Variants in SUGCT observed in about 807,000 individuals in gnomAD.
SUGCT encodes the protein succinyl-CoA:glutarate-CoA transferase.
In SUGCT, 41 loss-of-function variants were observed where a neutral mutation model predicts 55.0. That is an observed-to-expected ratio of 0.74 (90% CI 0.58 to 0.97). The LOEUF is 0.97. SUGCT is among the 50% of genes least tolerant of loss of function. The pLI is 0.00. For synonymous variants in SUGCT, 187 were observed against 200.4 expected, an observed-to-expected ratio of 0.93 and a Z score of 0.56; for missense variants, 568 against 547.8, an observed-to-expected ratio of 1.04 and a Z score of -0.37.
chr7:40,709,890 A>G (rs1269244571), intron 12 of SUGCT, among the ~76,000 whole-genome samples: 3 of 152,214 alleles, frequency 2.0e-5, no homozygotes, highest in Non-Finnish European at 4.4e-5. Context: ...ATTAATTTCA[A>G]TAAATTCCCA....
chr7:40,378,336 G>A (rs1227797705), intron 9 of SUGCT, among the ~76,000 whole-genome samples: 1 of 152,048 alleles, frequency 6.6e-6, no homozygotes, highest in African/African-American at 2.4e-5. Context: ...ATTCAGACTG[G>A]ATAGTCCCAG....
the SUGCT span, among the ~76,000 whole-genome samples, chr7:40,955,902 A>C: frequency 1.3e-5 from 2 of 152,096 alleles, no homozygotes; most frequent in Non-Finnish European, 2.9e-5. Flanking sequence ...GATTGTTGTC[A>C]TTGATTCTGT....
intron 9 of SUGCT, among the ~76,000 whole-genome samples, chr7:40,388,942 T>C (rs903753108): frequency 9.9e-5 from 15 of 152,170 alleles, no homozygotes; most frequent in Non-Finnish European, 1.8e-4. Context: ...AAAAATATGT[T>C]TGAGATATTC....
chr7:40,774,493 A>C (rs1037564754), intron 13 of SUGCT, among the ~76,000 whole-genome samples: 14 of 152,164 alleles, frequency 9.2e-5, no homozygotes, highest in African/African-American at 2.9e-4. Context: ...TGTTCTCATT[A>C]CTCATTGTGG....
At chr7:40,508,199 G>A (rs942499184) in intron 12 of SUGCT, among the ~76,000 whole-genome samples, 4 of 152,144 alleles carry the variant, frequency 2.6e-5, no homozygotes, top group Non-Finnish European at 5.9e-5. Context: ...GTGGTGGTGA[G>A]TGCCCTTAGT....
At chr7:41,013,640 A>G in the SUGCT span, among the ~76,000 whole-genome samples, 1 of 152,174 alleles carries the variant, frequency 6.6e-6, no homozygotes, top group African/African-American at 2.4e-5. Context: ...GGGTGTGTGC[A>G]TGTGGCTGTA....
intron 9 of SUGCT, among the ~76,000 whole-genome samples, chr7:40,384,443 T>C (rs1785015733): frequency 6.6e-6 from 1 of 152,212 alleles, no homozygotes; most frequent in South Asian, 2.1e-4. Flanking sequence ...TTAATATCTT[T>C]ATGTTTTGTC....
At chr7:40,432,319 C>T (rs1370932488) in intron 9 of SUGCT, among the ~76,000 whole-genome samples, 1 of 152,092 alleles carries the variant, frequency 6.6e-6, no homozygotes, top group Non-Finnish European at 1.5e-5. Flanking sequence ...AGTGAGGTTC[C>T]TGCTGAACAA....
intron 9 of SUGCT, among the ~76,000 whole-genome samples, chr7:40,358,715 A>AG (rs1797997117): frequency 7.7e-6 from 1 of 130,630 alleles, no homozygotes; most frequent in Non-Finnish European, 1.6e-5. Context: ...ACTCCATCTC[A>AG]AAAACAACAA....
chr7:40,631,830 C>T (rs551114824), intron 12 of SUGCT, among the ~76,000 whole-genome samples: 4 of 152,132 alleles, frequency 2.6e-5, no homozygotes, highest in East Asian at 1.9e-4. Context: ...TTGATATTCC[C>T]GTGGTCATGA....
At chr7:40,588,905 G>A (rs2151728639) in intron 12 of SUGCT, among the ~76,000 whole-genome samples, 1 of 152,132 alleles carries the variant, frequency 6.6e-6, no homozygotes, top group South Asian at 2.1e-4. Context: ...TTAGAATCTG[G>A]AGTAATATGC....
intron 12 of SUGCT, among the ~76,000 whole-genome samples, chr7:40,627,740 A>G (rs1287818161): frequency 1.3e-5 from 2 of 152,162 alleles, no homozygotes; most frequent in Admixed American, 1.3e-4. Flanking sequence ...TTAGGCATGG[A>G]AAGTTAGGGT....
chr7:40,406,226 A>G (rs139599292), intron 9 of SUGCT, among the ~76,000 whole-genome samples: 104 of 152,272 alleles, frequency 6.8e-4, no homozygotes, highest in Non-Finnish European at 1.2e-3. Context: ...CAGCTGGTTC[A>G]TCAGAATGCA....
intron 9 of SUGCT, chr7:40,388,017 C>T (rs1052646100): frequency 1.3e-5 from 2 of 152,196 alleles, no homozygotes; most frequent in African/African-American, 4.8e-5. Flanking sequence ...CAGAGAGACG[C>T]TTGGGCTGAC....
chr7:40,741,606 G>T (rs1787465693), intron 12 of SUGCT, among the ~76,000 whole-genome samples: 1 of 152,186 alleles, frequency 6.6e-6, no homozygotes, highest in Non-Finnish European at 1.5e-5. Flanking sequence ...CTAGCTCTAG[G>T]TTTATACCCT....
chr7:40,358,253 C>T (rs1314589826), intron 9 of SUGCT, among the ~76,000 whole-genome samples: 1 of 152,124 alleles, frequency 6.6e-6, no homozygotes, highest in Non-Finnish European at 1.5e-5. Flanking sequence ...ACCTGAAAAG[C>T]ATGAAGTGTT....
the SUGCT span, among the ~76,000 whole-genome samples, chr7:40,969,484 C>G: frequency 0.76 from 115,062 of 152,076 alleles, 43,694 homozygotes; most frequent in African/African-American, 0.81. Flanking sequence ...CCTTTGCCTC[C>G]TGAGTAGCTA....
chr7:40,279,334 G>A (rs1025232757), intron 8 of SUGCT, among the ~76,000 whole-genome samples: 3 of 152,080 alleles, frequency 2.0e-5, no homozygotes, highest in African/African-American at 7.2e-5. Context: ...AGTGGCATAA[G>A]CAATTCCTGG....
At chr7:41,019,397 T>C in the SUGCT span, among the ~76,000 whole-genome samples, 2 of 152,252 alleles carry the variant, frequency 1.3e-5, no homozygotes, top group African/African-American at 2.4e-5. Flanking sequence ...ACCCTGATCC[T>C]TGTGGATTGA....
Sources: allele counts gnomAD v4.1 joint callset (sites outside exome capture counted in the v4.1 genomes callset), GRCh38; gene constraint gnomAD v4.1.1; transcripts MANE v1.5; gene names NCBI Gene and HGNC (gene_info 2026-07-23, HGNC 2026-07-21).